Variants in IQCJ observed in about 807,000 individuals in gnomAD.
IQCJ encodes IQ motif containing J.
Under a neutral mutation model 11.0 loss-of-function variants are expected in IQCJ, and 9 were observed. The observed-to-expected ratio is 0.82, with a 90% CI of 0.49 to 1.43. The LOEUF (loss-of-function observed/expected upper bound fraction) is 1.43, where lower values mean the gene tolerates loss of function less well. IQCJ is among the 40% of genes most tolerant of loss of function. The probability of loss-of-function intolerance (pLI) is 0.00; values close to 1 mark genes in which losing one functional copy is unlikely to be tolerated. For missense variants in IQCJ, 146 were observed against 133.2 expected, an observed-to-expected ratio of 1.10 and a Z score of -0.47; for synonymous variants, 55 against 51.3, an observed-to-expected ratio of 1.07 and a Z score of -0.31.
At chr3:159,265,199 C>T (rs1400777370), downstream of IQCJ, 1 of 1,607,350 alleles carries the variant, frequency 6.2e-7, no homozygotes, top group Non-Finnish European at 8.5e-7. Context: ...CTTGTTTTAT[C>T]TGCTGTGATC....
chr3:159,155,105 T>G (rs1404881549), intron 1 of IQCJ, among the ~76,000 whole-genome samples: 4 of 152,186 alleles, frequency 2.6e-5, no homozygotes, highest in African/African-American at 9.7e-5. Context: ...TTTGGTGATC[T>G]TTGTTAAATA....
At chr3:159,200,030 C>CTATATA (rs368929112) in intron 1 of IQCJ, among the ~76,000 whole-genome samples, 1,337 of 119,664 alleles carry the variant, frequency 0.011, 48 homozygotes, top group African/African-American at 0.041. Context: ...GAGTAAACGA[C>CTATATA]TATATATATA....
intron 1 of IQCJ, among the ~76,000 whole-genome samples, chr3:159,080,348 A>G (rs1716226725): frequency 6.6e-6 from 1 of 152,078 alleles, no homozygotes; most frequent in African/African-American, 2.4e-5. Context: ...AGGGGCGTAT[A>G]AACTCTTCCA....
chr3:159,117,996 A>G (rs1719128092), intron 1 of IQCJ, among the ~76,000 whole-genome samples: 1 of 152,210 alleles, frequency 6.6e-6, no homozygotes, highest in Admixed American at 6.5e-5. Context: ...GGTGCAAAGT[A>G]GTTTAAAAAA....
At chr3:159,208,890 A>G (rs1434385195) in intron 1 of IQCJ, among the ~76,000 whole-genome samples, 5 of 152,220 alleles carry the variant, frequency 3.3e-5, no homozygotes, top group Non-Finnish European at 7.3e-5. Context: ...GAAACACAGA[A>G]AGAATGCCAT....
At chr3:159,136,148 T>G (rs1397597492) in intron 1 of IQCJ, among the ~76,000 whole-genome samples, 2 of 152,210 alleles carry the variant, frequency 1.3e-5, no homozygotes, top group African/African-American at 4.8e-5. Flanking sequence ...GCTGACTCTT[T>G]ATCAGTACTG....
chr3:159,252,735 T>C lies in IQCJ; in HGVS notation c.83T>C (p.Leu28Pro), dbSNP rs948164387. ...ATTATTTCTGTTTCTAGTCACCAGC[T>C]GGCCATGGATGCAGAGAATAATATT... ...DGKYSFENHQ[L>P]AMDAENNIEK... The change falls in exon 3 of 4, where the codon CTG becomes CCG. Residue 28 changes from leucine to proline, a missense_variant. Leu to Pro is a moderately conservative substitution (Grantham distance 98, BLOSUM62 -3). Transcript: ENST00000397832. 5 of 1,611,212 alleles carry C rather than the reference T, an allele frequency of 3.1e-6. No individual in the cohort carries two copies. The highest frequency in any genetic ancestry group is 4.2e-6 in the Non-Finnish European group (5 of 1,178,572).
chr3:159,265,752 G>C (rs1166176974), downstream of IQCJ: 1 of 167,306 alleles, frequency 6.0e-6, no homozygotes, highest in African/African-American at 2.4e-5. Flanking sequence ...CAACCTTAAT[G>C]GAGGCCAACA....
chr3:159,167,791 A>T (rs1722255112), intron 1 of IQCJ, among the ~76,000 whole-genome samples: 1 of 152,180 alleles, frequency 6.6e-6, no homozygotes, highest in South Asian at 2.1e-4. Context: ...CAAAATAGAT[A>T]TATTTTGTCT....
At chr3:159,173,151 G>T (rs1449082932) in intron 1 of IQCJ, among the ~76,000 whole-genome samples, 2 of 152,146 alleles carry the variant, frequency 1.3e-5, no homozygotes, top group African/African-American at 4.8e-5. Flanking sequence ...GCCATCTTTA[G>T]GAGTAGACCG....
intron 1 of IQCJ, among the ~76,000 whole-genome samples, chr3:159,226,110 A>C (rs1038854209): frequency 6.6e-6 from 1 of 152,138 alleles, no homozygotes; most frequent in African/African-American, 2.4e-5. Context: ...CCAGCCCTTC[A>C]CACCCCATTT....
At chr3:159,122,030 G>T (rs1719409087) in intron 1 of IQCJ, among the ~76,000 whole-genome samples, 1 of 152,192 alleles carries the variant, frequency 6.6e-6, no homozygotes, top group Non-Finnish European at 1.5e-5. Context: ...TTGGAGTCTG[G>T]AGTTCCAAGA....
chr3:159,084,856 CT>C (rs1289379466), intron 1 of IQCJ, among the ~76,000 whole-genome samples: 1 of 151,818 alleles, frequency 6.6e-6, no homozygotes, highest in Non-Finnish European at 1.5e-5. Flanking sequence ...CTAGTCCTGT[CT>C]TTCGGGTCTT....
chr3:159,199,700 T>C (rs1383250517), intron 1 of IQCJ, among the ~76,000 whole-genome samples: 1 of 152,112 alleles, frequency 6.6e-6, no homozygotes, highest in Non-Finnish European at 1.5e-5. Context: ...ACCAAGGCTT[T>C]TCTGAAAGAG....
intron 1 of IQCJ, among the ~76,000 whole-genome samples, chr3:159,160,396 G>A (rs1041702904): frequency 6.6e-6 from 1 of 151,562 alleles, no homozygotes; most frequent in Non-Finnish European, 1.5e-5. Context: ...TCTGCCTCTG[G>A]GGTTCAAGCC....
At chr3:159,081,068 C>T (rs1196386028) in intron 1 of IQCJ, among the ~76,000 whole-genome samples, 1 of 152,046 alleles carries the variant, frequency 6.6e-6, no homozygotes, top group Non-Finnish European at 1.5e-5. Context: ...CAGAGAGACT[C>T]CTGCCTTTTT....
At chr3:159,101,551 A>G (rs558952786) in intron 1 of IQCJ, among the ~76,000 whole-genome samples, 4 of 152,236 alleles carry the variant, frequency 2.6e-5, no homozygotes, top group African/African-American at 9.6e-5. Context: ...GTGTTTCATT[A>G]TAACGGCAAC....
At chr3:159,175,620 T>C (rs970990615) in intron 1 of IQCJ, among the ~76,000 whole-genome samples, 1 of 152,206 alleles carries the variant, frequency 6.6e-6, no homozygotes, top group African/African-American at 2.4e-5. Flanking sequence ...TGTTGGAATT[T>C]TGCTTGCTTA....
chr3:159,121,138 CTTTTTTT>C (rs1206910456), intron 1 of IQCJ, among the ~76,000 whole-genome samples: 1,391 of 123,646 alleles, frequency 0.011, 31 homozygotes, highest in African/African-American at 0.04. Flanking sequence ...TTTCTTTTTT[CTTTTTTT>C]TTTTTTTAAT....
Sources: allele counts gnomAD v4.1 joint callset (sites outside exome capture counted in the v4.1 genomes callset), GRCh38; gene constraint gnomAD v4.1.1; transcripts MANE v1.5; gene names NCBI Gene and HGNC (gene_info 2026-07-23, HGNC 2026-07-21).